Variants in LYPD6B observed in about 807,000 individuals in gnomAD.
LYPD6B encodes ly6/PLAUR domain-containing protein 6B.
In LYPD6B, 17 loss-of-function variants were observed where a neutral mutation model predicts 22.8. The ratio of observed to expected loss-of-function variants is 0.75; its 90% CI spans 0.51 to 1.12. The LOEUF is 1.12. Among genes scored for constraint, LYPD6B ranks in the 50% most tolerant of loss-of-function variants. The pLI is 0.00. For synonymous variants in LYPD6B, 106 were observed against 91.6 expected, an observed-to-expected ratio of 1.16 and a Z score of -0.90; for missense variants, 221 against 258.3, an observed-to-expected ratio of 0.86 and a Z score of 0.99.
At chr2:149,153,547 C>A (rs964312054) in intron 2 of LYPD6B, among the ~76,000 whole-genome samples, 7 of 151,928 alleles carry the variant, frequency 4.6e-5, no homozygotes, top group Non-Finnish European at 1.0e-4. Flanking sequence ...GAGGCCGAGG[C>A]GGGCGAATCA....
At chr2:149,142,347 A>T (rs1382653806) in intron 2 of LYPD6B, 3 of 152,152 alleles carry the variant, frequency 2.0e-5, no homozygotes, top group Non-Finnish European at 4.4e-5. Flanking sequence ...AGACCCATGG[A>T]GCACCCATCT....
intron 3 of LYPD6B, among the ~76,000 whole-genome samples, chr2:149,163,310 G>A (rs1690203379): frequency 6.6e-6 from 1 of 152,104 alleles, no homozygotes; most frequent in Non-Finnish European, 1.5e-5. Flanking sequence ...GATCAGACCT[G>A]TAAGCTCTTG....
chr2:149,139,753 C>G (rs1437639255), intron 2 of LYPD6B, among the ~76,000 whole-genome samples: 1 of 152,154 alleles, frequency 6.6e-6, no homozygotes, highest in Non-Finnish European at 1.5e-5. Flanking sequence ...TTATTACAGA[C>G]TTAAAGAAGA....
At chr2:149,044,921 T>C (rs543817593) in intron 1 of LYPD6B, among the ~76,000 whole-genome samples, 1 of 152,154 alleles carries the variant, frequency 6.6e-6, no homozygotes, top group South Asian at 2.1e-4. Flanking sequence ...GATTTTCAAA[T>C]GTTGAACCAG....
At chr2:149,191,238 T>C (rs115061680) in intron 3 of LYPD6B, among the ~76,000 whole-genome samples, 444 of 152,318 alleles carry the variant, frequency 2.9e-3, no homozygotes, top group Non-Finnish European at 5.0e-3. Flanking sequence ...GATGGACTTT[T>C]TAGAATATAT....
At chr2:149,085,006 G>A (rs890744049) in intron 1 of LYPD6B, among the ~76,000 whole-genome samples, 22 of 152,166 alleles carry the variant, frequency 1.4e-4, no homozygotes, top group African/African-American at 5.1e-4. Context: ...GATATGGGAG[G>A]CAACAACAGC....
chr2:149,212,912 T>C, intron 5 of LYPD6B, 80 bp from the exon 6 acceptor site: 1 of 1,416,254 alleles, frequency 7.1e-7, no homozygotes, highest in South Asian at 1.3e-5. Flanking sequence ...TCTGCATTAA[T>C]TGTTAAGAGA....
intron 1 of LYPD6B, among the ~76,000 whole-genome samples, chr2:149,064,395 TG>T (rs1684231869): frequency 6.6e-6 from 1 of 152,236 alleles, no homozygotes; most frequent in African/African-American, 2.4e-5. Context: ...CACTAAAACC[TG>T]TTTTAACAAA....
intron 1 of LYPD6B, among the ~76,000 whole-genome samples, chr2:149,126,119 T>C (rs1274697593): frequency 2.6e-5 from 4 of 152,254 alleles, no homozygotes; most frequent in African/African-American, 9.6e-5. Flanking sequence ...ACTACTATCT[T>C]CTGACTTCAG....
At chr2:149,203,334 T>C (rs1376997118) in intron 3 of LYPD6B, among the ~76,000 whole-genome samples, 2 of 152,196 alleles carry the variant, frequency 1.3e-5, no homozygotes, top group Admixed American at 6.5e-5. Context: ...TGAATATTGC[T>C]ACTGGAACAT....
At chr2:149,157,376 C>T (rs1689776548) in intron 2 of LYPD6B, among the ~76,000 whole-genome samples, 1 of 152,084 alleles carries the variant, frequency 6.6e-6, no homozygotes, top group Non-Finnish European at 1.5e-5. Context: ...TCTACAAGAG[C>T]TTTTGTTGTT....
chr2:149,123,718 C>T (rs1056821285), intron 1 of LYPD6B, among the ~76,000 whole-genome samples: 3 of 152,016 alleles, frequency 2.0e-5, no homozygotes, highest in South Asian at 2.1e-4. Context: ...AAAAATTAAC[C>T]GGGCATGGTG....
chr2:149,191,242 A>G (rs944914515), intron 3 of LYPD6B, among the ~76,000 whole-genome samples: 1 of 152,198 alleles, frequency 6.6e-6, no homozygotes, highest in African/African-American at 2.4e-5. Flanking sequence ...GACTTTTTAG[A>G]ATATATCCTC....
intron 3 of LYPD6B, among the ~76,000 whole-genome samples, chr2:149,174,080 T>C (rs1691071036): frequency 1.3e-5 from 2 of 152,226 alleles, no homozygotes; most frequent in Admixed American, 1.3e-4. Context: ...GAGCAGTGGT[T>C]TGTAGTTCTC....
At chr2:149,106,642 T>C (rs1334714381) in intron 1 of LYPD6B, among the ~76,000 whole-genome samples, 1 of 152,190 alleles carries the variant, frequency 6.6e-6, no homozygotes, top group Admixed American at 6.6e-5. Context: ...CTTCCTCCTT[T>C]TTGATATTGA....
At chr2:149,048,731 A>T (rs1376401974) in intron 1 of LYPD6B, among the ~76,000 whole-genome samples, 1 of 152,080 alleles carries the variant, frequency 6.6e-6, no homozygotes, top group Admixed American at 6.5e-5. Context: ...TGTTCTTTTC[A>T]GTTCTCTACA....
In LYPD6B at chr2:149,187,739, A is replaced by T. The variant is rs191770816; in HGVS notation, c.78-17514A>T. The T allele has an allele frequency of 8.6e-4, 364 of 425,242 alleles. 8 individuals are homozygous for T. In the East Asian group the frequency reaches 0.013, roughly 15 times the overall value. The allele number at this position is 425,242 out of a possible 1,614,324, so 26.3% of individuals were successfully genotyped here. ...ACACTAATGATAGCTGATAAGCTGA[A>T]AAAAAGAAGTGCAAAAGAAAATCTC... On this transcript the variant is annotated intron_variant, in intron 3 of 6. Transcript: ENST00000409642.
intron 3 of LYPD6B, among the ~76,000 whole-genome samples, chr2:149,169,241 G>T (rs1404309499): frequency 1.3e-5 from 2 of 152,078 alleles, no homozygotes; most frequent in Non-Finnish European, 2.9e-5. Context: ...TCACACTCAT[G>T]TCCTTCTCTT....
chr2:149,183,863 G>GTGTA (rs1553498942), intron 3 of LYPD6B, among the ~76,000 whole-genome samples: 51 of 148,772 alleles, frequency 3.4e-4, no homozygotes, highest in Admixed American at 1.0e-3. Flanking sequence ...GTGTGTGTGT[G>GTGTA]TATATATATA....
Sources: gnomAD v4.1 joint callset for allele counts (sites outside exome capture counted in the v4.1 genomes callset) on GRCh38, gnomAD v4.1.1 for gene constraint, MANE v1.5 for transcripts, NCBI Gene and HGNC (gene_info 2026-07-23, HGNC 2026-07-21) for gene names.